The following RB1CC1 variants were observed in gnomAD, a reference collection of about 807,000 sequenced individuals.
RB1CC1 encodes RB1 inducible coiled-coil 1.
A neutral mutation model predicts 177.5 loss-of-function variants in RB1CC1; 46 were observed. That is an observed-to-expected ratio of 0.26 (90% confidence interval 0.20 to 0.33). The LOEUF (loss-of-function observed/expected upper bound fraction) is 0.33, where lower values mean the gene tolerates loss of function less well. RB1CC1 is among the 10% of genes least tolerant of loss of function. RB1CC1 has a pLI of 1.00. For missense variants in RB1CC1, 1,703 were observed against 1,816.3 expected (o/e 0.94, Z 1.13); for synonymous variants, 666 against 613.6 (o/e 1.09, Z -1.26).
intron 20 of RB1CC1, among the ~76,000 whole-genome samples, chr8:52,631,577 AT>A: frequency 6.6e-6 from 1 of 152,332 alleles, no homozygotes; most frequent in South Asian, 2.1e-4. Context: ...GAATGTATGC[AT>A]GCCAAAACTC....
intron 8 of RB1CC1, among the ~76,000 whole-genome samples, chr8:52,663,176 A>AC (rs1257071794): frequency 3.9e-5 from 6 of 152,138 alleles, no homozygotes; most frequent in African/African-American, 1.4e-4. Context: ...TACATGAGCT[A>AC]CATGATAGCA....
At chr8:52,687,027 C>A in intron 1 of RB1CC1, 60 bp from the exon 2 acceptor site, 1 of 444,420 alleles carries the variant, frequency 2.3e-6, no homozygotes. Context: ...CAACATATGG[C>A]TATTGTTCCT....
Position 52,624,928 on chromosome 8 carries a change from C to T in RB1CC1, c.4637-141G>A, listed in dbSNP as rs982925130. ...AAGACTTTAAAAACTACCGAAATCA[C>T]TGAAATGCTTAACAATTTACAAAAC... is the stretch of plus-strand genomic sequence containing the variant. On this transcript the variant is annotated intron_variant, in intron 22 of 23. Transcript: ENST00000025008. The T allele has an allele frequency of 1.2e-5, 7 of 591,492 alleles. No homozygotes were observed. The Admixed American group carries it at 2.6e-4, about 22-fold the overall frequency. 36.6% of individuals were successfully genotyped at this position (591,492 alleles called of 1,614,324 possible).
At chr8:52,660,795 C>T in intron 11 of RB1CC1, 131 bp downstream of exon 11, 1 of 1,090,278 alleles carries the variant, frequency 9.2e-7, no homozygotes, top group Admixed American at 2.6e-5. Flanking sequence ...ATTCTATACA[C>T]TTTAAAAGGA....
chr8:52,700,652 G>T (rs113382411), intron 1 of RB1CC1, among the ~76,000 whole-genome samples: 26 of 152,292 alleles, frequency 1.7e-4, no homozygotes, highest in East Asian at 7.7e-4. Flanking sequence ...AACATGAGCA[G>T]AACATACAAA....
Position 52,642,490 on chromosome 8 carries a change from A to C in RB1CC1, c.4198T>G (p.Ser1400Ala). 1 of 1,614,096 alleles carries C rather than the reference A, an allele frequency of 6.2e-7. No individual in the cohort carries two copies. ...SKLRSSSFVP[S>A]PYVATAPELY... The stretch of plus-strand genomic sequence containing the variant: ...TCTGGGGCTGTAGCTACATATGGTG[A>C]AGGAACAAAACTGCTACTACGCAAC... Residue 1400 changes from serine to alanine, a missense_variant, in exon 18 of 24, where the codon TCA (serine) becomes GCA (alanine). Physicochemically the swap from Ser to Ala is moderately conservative, Grantham distance 99 (BLOSUM62 1). Around this residue, in one of 6 missense-constraint regions of RB1CC1, gnomAD observed 1,169 missense variants for 1,184.7 expected, o/e 0.99. Transcript: ENST00000025008.
chr8:52,657,602 C>T lies in RB1CC1; in HGVS notation c.2227G>A (p.Glu743Lys). ...MSAVNEFVIE[E>K]NLSSPNPISD... is the part of the protein sequence containing the mutation. ...ATAGGATTAGGAGACGACAAATTTT[C>T]TTCTATTACAAACTCATTCACAGCA... Residue 743 changes from glutamate (E) to lysine (K), a missense_variant, in exon 15 of 24, where the codon GAA becomes AAA. Coordinates refer to ENST00000025008, the MANE Select transcript of RB1CC1 (RefSeq NM_014781.5). 1 of 1,614,064 alleles carries T rather than the reference C, an allele frequency of 6.2e-7. No individual in the cohort carries two copies. Among genetic ancestry groups the T allele is most frequent in the Non-Finnish European group, 8.5e-7 (1 of 1,179,996 alleles).
intron 19 of RB1CC1, among the ~76,000 whole-genome samples, chr8:52,635,777 A>G (rs1170098628): frequency 6.6e-6 from 1 of 152,144 alleles, no homozygotes; most frequent in Non-Finnish European, 1.5e-5. Flanking sequence ...CCTCTCATAC[A>G]GACTTCATTC....
chr8:52,638,121 G>A (rs1037828089), intron 18 of RB1CC1, among the ~76,000 whole-genome samples: 17 of 152,266 alleles, frequency 1.1e-4, no homozygotes, highest in East Asian at 7.7e-4. Context: ...GTTAATTGTG[G>A]GTTCTCACAG....
intron 7 of RB1CC1, among the ~76,000 whole-genome samples, chr8:52,668,411 AT>A (rs898541355): frequency 1.3e-5 from 2 of 152,212 alleles, no homozygotes; most frequent in African/African-American, 4.8e-5. Flanking sequence ...TTAGGAATAC[AT>A]TTTCAAGAAT....
Position 52,630,545 on chromosome 8 carries a change from A to T in RB1CC1, c.4441-17T>A. 6.5e-7 allele frequency: 1 copy of T among 1,543,674 alleles called. No homozygotes were observed. Among genetic ancestry groups the T allele is most frequent in the South Asian group, 1.2e-5 (1 of 80,476 alleles). On this transcript the variant is annotated splice_polypyrimidine_tract_variant and intron_variant, in intron 20 of 23. Coordinates refer to ENST00000025008, the MANE Select transcript of RB1CC1 (RefSeq NM_014781.5). ...CTGAGACATCTAAAAAAAAAAAAAA[A>T]GTTTATGAACTTACACAATTTGAGT...
intron 2 of RB1CC1, 149 bp from the exon 3 acceptor site, chr8:52,685,669 A>G: frequency 2.5e-6 from 1 of 397,006 alleles, no homozygotes. Context: ...TGGATAGTTC[A>G]GTAAACTCAA....
At position 52,645,711 on chromosome 8, in the gene RB1CC1, C is replaced by T. The variant is rs749367208; in HGVS notation, c.3978G>A (p.Ala1326=). 23 of 1,612,146 alleles carry T rather than the reference C, an allele frequency of 1.4e-5. No individual in the cohort carries two copies. The highest frequency in any genetic ancestry group is 1.7e-4 in the Middle Eastern group (1 of 6,054). Residue 1326 remains alanine (A), a synonymous_variant, in exon 16 of 24, where the codon GCG becomes GCA. Coordinates refer to ENST00000025008, the MANE Select transcript of RB1CC1 (RefSeq NM_014781.5). ...GAAAAGAGATACAGACCTGTTGTTCCGCAATCAAAGATGTTCGAACATTTT... is the reference window on the plus strand; with the variant it reads ...GAAAAGAGATACAGACCTGTTGTTCTGCAATCAAAGATGTTCGAACATTTT... ...EMQNVRTSLI[A]EQQTNFNTVL...
intron 5 of RB1CC1, among the ~76,000 whole-genome samples, chr8:52,681,927 A>T (rs1232277679): frequency 2.0e-5 from 3 of 152,160 alleles, no homozygotes; most frequent in Admixed American, 2.0e-4. Flanking sequence ...TAGAAGGAAA[A>T]TGTGGGGTCG....
chr8:52,690,673 GTTTT>G (rs889289802), intron 1 of RB1CC1, among the ~76,000 whole-genome samples: 34 of 152,258 alleles, frequency 2.2e-4, no homozygotes, highest in African/African-American at 7.0e-4. Flanking sequence ...TCACTGTATT[GTTTT>G]TTGTTTTCTC....
At chr8:52,675,381 AT>A (rs1386889796) in intron 6 of RB1CC1, among the ~76,000 whole-genome samples, 4 of 152,170 alleles carry the variant, frequency 2.6e-5, no homozygotes, top group African/African-American at 4.8e-5. Context: ...AGAAAAAAAA[AT>A]CTACAGATCC....
At chr8:52,685,170 AT>A (rs1442740533) in intron 3 of RB1CC1, among the ~76,000 whole-genome samples, 1 of 151,764 alleles carries the variant, frequency 6.6e-6, no homozygotes, top group Non-Finnish European at 1.5e-5. Context: ...CACCCAGCTA[AT>A]TTTTGTATTT....
intron 6 of RB1CC1, among the ~76,000 whole-genome samples, chr8:52,674,495 G>A (rs375554783): frequency 6.6e-6 from 1 of 152,320 alleles, no homozygotes; most frequent in East Asian, 1.9e-4. Flanking sequence ...AGGGCTGGGC[G>A]TGGTGGCTCA....
At chr8:52,693,724 A>G (rs549916686) in intron 1 of RB1CC1, among the ~76,000 whole-genome samples, 1 of 152,188 alleles carries the variant, frequency 6.6e-6, no homozygotes, top group South Asian at 2.1e-4. Context: ...ACTGATGAGA[A>G]CATATAGACA....
Sources: allele counts gnomAD v4.1 joint callset (sites outside exome capture counted in the v4.1 genomes callset), GRCh38; gene constraint gnomAD v4.1.1; regional missense constraint gnomAD v4.1.1; transcripts MANE v1.5; gene names NCBI Gene and HGNC (gene_info 2026-07-23, HGNC 2026-07-21).